SYMPK: variants seen among roughly 807,000 people sequenced by gnomAD.
The protein encoded by SYMPK is symplekin.
In SYMPK, 49 loss-of-function variants were observed where a neutral mutation model predicts 136.4. That is an observed-to-expected ratio of 0.36 (90% confidence interval 0.29 to 0.46). SYMPK has a LOEUF of 0.46. SYMPK is among the 20% of genes least tolerant of loss of function. SYMPK has a pLI of 1.00. For synonymous variants in SYMPK, 766 were observed against 713.0 expected (o/e 1.07, Z -1.19); for missense variants, 1,365 against 1,690.0 (o/e 0.81, Z 3.37).
intron 10 of SYMPK, among the ~76,000 whole-genome samples, chr19:45,837,616 C>CAAAAAAAA (rs58960244): frequency 1.3e-5 from 1 of 77,530 alleles, no homozygotes; most frequent in Non-Finnish European, 2.4e-5. Flanking sequence ...GACTCTGCCT[C>CAAAAAAAA]AAAAAAAAAA....
At chr19:45,834,504 G>T (rs117379371) in intron 11 of SYMPK, among the ~76,000 whole-genome samples, 18,996 of 150,612 alleles carry the variant, frequency 0.13, 1,401 homozygotes, top group South Asian at 0.18. Context: ...AATTACCTTT[G>T]AGCTATGTTT....
intron 16 of SYMPK, among the ~76,000 whole-genome samples, chr19:45,826,958 A>G (rs1971055228): frequency 6.6e-6 from 1 of 152,194 alleles, no homozygotes; most frequent in Non-Finnish European, 1.5e-5. Context: ...GAGCACACCC[A>G]GCTACTGATT....
chr19:45,846,167 C>T (rs558351068), intron 7 of SYMPK, among the ~76,000 whole-genome samples: 5 of 152,232 alleles, frequency 3.3e-5, no homozygotes, highest in African/African-American at 1.2e-4. Context: ...ACACGGGAGG[C>T]GGAGCATGCA....
intron 11 of SYMPK, among the ~76,000 whole-genome samples, chr19:45,833,301 C>G (rs1971228873): frequency 6.6e-6 from 1 of 152,068 alleles, no homozygotes; most frequent in African/African-American, 2.4e-5. Flanking sequence ...TAGTTTTGTT[C>G]AAGAATAGGT....
intron 1 of SYMPK, among the ~76,000 whole-genome samples, chr19:45,856,671 A>G (rs1971830110): frequency 6.6e-6 from 1 of 152,102 alleles, no homozygotes; most frequent in African/African-American, 2.4e-5. Flanking sequence ...CAATTATGAT[A>G]ATTAATAATA....
chr19:45,833,413 A>G (rs550045726), intron 11 of SYMPK, among the ~76,000 whole-genome samples: 88 of 152,226 alleles, frequency 5.8e-4, no homozygotes, highest in African/African-American at 2.1e-3. Flanking sequence ...CAACCTGGCT[A>G]ACACGGTGAA....
intron 22 of SYMPK, chr19:45,820,725 T>C (rs1970868842): frequency 6.1e-6 from 1 of 163,440 alleles, no homozygotes; most frequent in African/African-American, 2.4e-5. Flanking sequence ...TCCGTTTCAC[T>C]TCAGATTCTG....
At position 45,821,560 on chromosome 19, in the gene SYMPK, G is replaced by C; in HGVS notation, c.2792-75C>G. The C allele has an allele frequency of 6.1e-6, 6 of 984,436 alleles. No homozygotes were observed. The highest frequency in any genetic ancestry group is 9.4e-6 in the Non-Finnish European group (6 of 638,166). The allele number at this position is 984,436 out of a possible 1,614,324, so 61.0% of individuals were successfully genotyped here. ...TGAAGAGATGGGTCTGAGTTCCCCAGATCGGGGGAGCTGCGAGCAAAGATG... is the reference window on the plus strand; with the variant it reads ...TGAAGAGATGGGTCTGAGTTCCCCACATCGGGGGAGCTGCGAGCAAAGATG... On this transcript the variant is annotated intron_variant, in intron 21 of 26. Transcript: ENST00000245934. The surrounding 1 kb of genome is among the most constrained non-coding windows in gnomAD (Gnocchi z 4.4).
chr19:45,817,404 GTTTTTTTGTTCTCTT>G, intron 23 of SYMPK, among the ~76,000 whole-genome samples: 2 of 142,276 alleles, frequency 1.4e-5, no homozygotes, highest in Non-Finnish European at 3.1e-5. Context: ...GCGGGGTTTG[GTTTTTTTGTTCTCTT>G]TTTTTTTTTT....
intron 23 of SYMPK, chr19:45,817,267 T>C (rs1970768620): frequency 2.6e-6 from 1 of 383,718 alleles, no homozygotes; most frequent in Admixed American, 4.8e-5. Flanking sequence ...TCTCATGACA[T>C]TCTCACGGCA....
intron 1 of SYMPK, chr19:45,854,730 G>C: frequency 1.9e-6 from 1 of 535,794 alleles, no homozygotes. Flanking sequence ...TCCCAAGGCA[G>C]AGCCAGAAGT....
chr19:45,835,623 C>T (rs532439474), intron 10 of SYMPK, among the ~76,000 whole-genome samples: 1 of 152,224 alleles, frequency 6.6e-6, no homozygotes, highest in East Asian at 1.9e-4. Context: ...GTCCAGAGAA[C>T]AAAAGAGGCC....
At chr19:45,825,112 A>G in intron 18 of SYMPK, 59 bp downstream of exon 18, 1 of 1,572,658 alleles carries the variant, frequency 6.4e-7, no homozygotes, top group Non-Finnish European at 8.6e-7. Context: ...GAAGAGCTGG[A>G]GCTGGGGACA....
At position 45,816,153 on chromosome 19, in the gene SYMPK, C is replaced by T; in HGVS notation, c.3385G>A (p.Ala1129Thr). Residue 1129 changes from alanine (A) to threonine (T), a missense_variant, in exon 26 of 27, where the codon GCC becomes ACC. This residue lies in a region of SYMPK where 341 missense variants were observed against 270.5 expected (regional missense o/e 1.26). Coordinates refer to ENST00000245934, the MANE Select transcript of SYMPK (RefSeq NM_004819.3). ...DDLEPLTLAP[A>T]PAPRPPQDLI... The stretch of plus-strand genomic sequence containing the variant: ...TCCTGAGGGGGCCGGGGTGCTGGGG[C>T]CGGGGCCAAGGTCAGGGGCTCCAGA... The T allele has an allele frequency of 1.3e-6, 2 of 1,546,816 alleles. No individual in the cohort carries two copies. Among genetic ancestry groups the T allele is most frequent in the East Asian group, 2.4e-5 (1 of 42,068 alleles).
At chr19:45,831,232 C>T (rs989928014) in intron 12 of SYMPK, 152 bp downstream of exon 12, 17 of 483,396 alleles carry the variant, frequency 3.5e-5, no homozygotes, top group African/African-American at 3.0e-4. Flanking sequence ...GGCACTGACT[C>T]GGGAGTCAGA....
At chr19:45,828,936 C>T (rs3745929) in intron 14 of SYMPK, 34 bp downstream of exon 14, 1,353,482 of 1,600,840 alleles carry the variant, frequency 0.85, 572,743 homozygotes, top group African/African-American at 0.9. Flanking sequence ...GGAAGCCTCT[C>T]GGGGACAGGA....
chr19:45,821,544 G>A lies in SYMPK; in HGVS notation c.2792-59C>T. The A allele has an allele frequency of 8.4e-7, 1 of 1,184,208 alleles. No homozygotes were observed. Among genetic ancestry groups the A allele is most frequent in the Non-Finnish European group, 1.2e-6 (1 of 804,794 alleles). 73.4% of individuals were successfully genotyped at this position (1,184,208 alleles called of 1,614,324 possible). On this transcript the variant is annotated intron_variant, in intron 21 of 26. Transcript: ENST00000245934. This position sits in a 1 kb window ranked among gnomAD's most constrained non-coding sequence, Gnocchi z 4.4. ...AGTGCGGACGCATAAGTGAAGAGAT[G>A]GGTCTGAGTTCCCCAGATCGGGGGA...
At chr19:45,860,740 C>T (rs528612803) in intron 1 of SYMPK, among the ~76,000 whole-genome samples, 1 of 152,302 alleles carries the variant, frequency 6.6e-6, no homozygotes, top group African/African-American at 2.4e-5. Context: ...GCCTCCCGGG[C>T]TCAGGCGATC....
Position 45,818,030 on chromosome 19 carries a change from G to A in SYMPK, c.3010C>T (p.Gln1004Ter). Residue 1004 changes from glutamine (Q) to a stop codon, truncating the protein, a stop_gained, in exon 23 of 27, where the codon CAG becomes TAG. Coordinates refer to ENST00000245934, the MANE Select transcript of SYMPK (RefSeq NM_004819.3). LOFTEE classifies it high-confidence loss of function. Reference sequence around the variant, plus strand: ...AGGCGGGGGTACATGGTCAGGGACTGGATGACGGTCCTCATGAGCAGCATG... The same window carrying A: ...AGGCGGGGGTACATGGTCAGGGACTAGATGACGGTCCTCATGAGCAGCATG... ...LPMLLMRTVI[Q>*]SLTMYPRLGG... 2 of 1,576,094 alleles carry A rather than the reference G, an allele frequency of 1.3e-6. No individual in the cohort carries two copies. The highest frequency in any genetic ancestry group is 1.7e-6 in the Non-Finnish European group (2 of 1,160,752).
Sources: allele counts gnomAD v4.1 joint callset (sites outside exome capture counted in the v4.1 genomes callset), GRCh38; gene constraint gnomAD v4.1.1; regional missense constraint gnomAD v4.1.1; non-coding constraint Gnocchi (gnomAD v3.1); transcripts MANE v1.5; gene names NCBI Gene and HGNC (gene_info 2026-07-23, HGNC 2026-07-21).